The following SCML2 variants were observed in gnomAD, a reference collection of about 807,000 sequenced individuals.
SCML2 encodes the protein Scm polycomb group protein like 2.
SCML2 carries 6 observed loss-of-function variants against 48.4 expected under a neutral mutation model. That is an observed-to-expected ratio of 0.12 (90% CI 0.07 to 0.24). SCML2 has a LOEUF of 0.24. SCML2 is among the 10% of genes least tolerant of loss of function. SCML2 has a pLI of 1.00. For synonymous variants in SCML2, 181 were observed against 189.5 expected (o/e 0.95, Z 0.37); for missense variants, 377 against 528.2 (o/e 0.71, Z 2.81).
chrX:18,300,493 T>C (rs1459592868), intron 7 of SCML2, among the ~76,000 whole-genome samples: 2 of 97,517 alleles, frequency 2.1e-5, no homozygotes, highest in Admixed American at 1.1e-4. Flanking sequence ...ACGTTAAGGT[T>C]AAAAAAAAAA....
At chrX:18,248,680 T>C (rs981236112) in intron 11 of SCML2, among the ~76,000 whole-genome samples, 5 of 112,135 alleles carry the variant, frequency 4.5e-5, no homozygotes, top group African/African-American at 9.7e-5. Flanking sequence ...CACTTTAGTT[T>C]CATTTTTAAT....
At chrX:18,280,534 G>A (rs180830009) in intron 7 of SCML2, among the ~76,000 whole-genome samples, 1 of 111,426 alleles carries the variant, frequency 9.0e-6, no homozygotes, top group Non-Finnish European at 1.9e-5. Flanking sequence ...GAATGTAAAT[G>A]GGCTAAACAC....
chrX:18,250,366 C>T (rs1275098421), intron 11 of SCML2, among the ~76,000 whole-genome samples: 1 of 110,472 alleles, frequency 9.1e-6, no homozygotes, highest in Non-Finnish European at 1.9e-5. Context: ...GCACATGCCA[C>T]CACGCCTGGC....
At chrX:18,319,325 A>G (rs757293277) in intron 6 of SCML2, among the ~76,000 whole-genome samples, 1 of 110,729 alleles carries the variant, frequency 9.0e-6, no homozygotes, top group Admixed American at 9.6e-5. Flanking sequence ...CGGGAAGCCG[A>G]GATCACACCA....
intron 7 of SCML2, among the ~76,000 whole-genome samples, chrX:18,281,849 C>T (rs192226470): frequency 3.8e-3 from 420 of 110,928 alleles, no homozygotes; most frequent in African/African-American, 0.013. Context: ...ATAGGCTGGG[C>T]GCTGTGGCTC....
intron 7 of SCML2, among the ~76,000 whole-genome samples, chrX:18,288,188 TAAA>T (rs962442929): frequency 9.1e-6 from 1 of 109,855 alleles, no homozygotes; most frequent in Non-Finnish European, 1.9e-5. Context: ...ATGCTACTGT[TAAA>T]AAAAAATCTT....
intron 6 of SCML2, among the ~76,000 whole-genome samples, chrX:18,317,505 TG>T (rs1056090118): frequency 2.7e-5 from 3 of 111,594 alleles, no homozygotes; most frequent in Non-Finnish European, 5.6e-5. Context: ...TTCCAACTGA[TG>T]TTTAAGAAAA....
intron 11 of SCML2, among the ~76,000 whole-genome samples, chrX:18,253,100 A>T (rs188467753): frequency 5.6e-4 from 63 of 112,109 alleles, no homozygotes; most frequent in African/African-American, 2.0e-3. Context: ...AAACCCCTGA[A>T]GAAGGGAAGT....
chrX:18,282,752 T>C (rs1005878084), intron 7 of SCML2, among the ~76,000 whole-genome samples: 2 of 111,331 alleles, frequency 1.8e-5, no homozygotes, highest in Admixed American at 9.6e-5. Context: ...AAGAAAGAGA[T>C]TGAAACCCTG....
chrX:18,297,825 CA>C (rs1030627106), intron 7 of SCML2, among the ~76,000 whole-genome samples: 1 of 110,266 alleles, frequency 9.1e-6, no homozygotes, highest in Non-Finnish European at 1.9e-5. Flanking sequence ...AAAAAAAACA[CA>C]AAAAACAAAA....
At position 18,324,835 on chromosome X, in the gene SCML2, T is replaced by TAACAATCAC. The variant is rs956474059; in HGVS notation, c.162+63_162+71dup. The TAACAATCAC allele has an allele frequency of 1.0e-5, 8 of 789,659 alleles. No homozygotes were observed. The African/African-American group carries it at 1.6e-4, about 16-fold the overall frequency. The allele number at this position is 789,659 out of a possible 1,213,427, so 65.1% of individuals were successfully genotyped here. On this transcript the variant is annotated intron_variant, in intron 4 of 14. Transcript: ENST00000251900. ...ACTATCTCCTCACACTACCAGAATC[T>TAACAATCAC]AACAATCACACAGACGTCCTCCAAC...
chrX:18,309,052 T>C (rs1244285992), intron 6 of SCML2, among the ~76,000 whole-genome samples: 1 of 109,762 alleles, frequency 9.1e-6, no homozygotes, highest in Non-Finnish European at 1.9e-5. Context: ...CTACGAATAA[T>C]ACAAAAAATT....
At position 18,325,008 on chromosome X, in the gene SCML2, T is replaced by C. The variant is rs778992394; in HGVS notation, c.92-31A>G. ...AAAAACACATGTGCAAAATAGTTTC[T>C]TAAAGCATATACAATGTAACTTTTA... On this transcript the variant is annotated intron_variant, in intron 3 of 14. Coordinates refer to ENST00000251900, the MANE Select transcript of SCML2 (RefSeq NM_006089.3). The C allele has an allele frequency of 2.1e-4, 214 of 1,038,802 alleles. 1 individual carries two copies. The South Asian group carries it at 4.2e-3, about 20-fold the overall frequency. The allele number at this position is 1,038,802 out of a possible 1,213,427, so 85.6% of individuals were successfully genotyped here.
chrX:18,338,128 C>G (rs1213132931), intron 1 of SCML2, among the ~76,000 whole-genome samples: 1 of 111,800 alleles, frequency 8.9e-6, no homozygotes, highest in African/African-American at 3.2e-5. Flanking sequence ...AGGAAATTTA[C>G]AACATTGAAT....
At chrX:18,343,542 C>T (rs768250455) in intron 1 of SCML2, among the ~76,000 whole-genome samples, 1 of 109,866 alleles carries the variant, frequency 9.1e-6, no homozygotes, top group Admixed American at 9.8e-5. Context: ...AGGTGGATCA[C>T]GAGGTCAGGA....
In SCML2 at chrX:18,278,095, C is replaced by A. The variant is rs890518086; in HGVS notation, c.731-12293G>T. ...ATCACTTGAGCCTGGAAGGCAGAGA[C>A]TGCAGTGAGCTGAGATCATGCCACT... On this transcript the variant is annotated intron_variant, in intron 7 of 14. Transcript: ENST00000251900. Among the ~76,000 whole-genome samples, 7 of 112,219 alleles carry A rather than the reference C, an allele frequency of 6.2e-5. No homozygotes were observed. The East Asian group carries it at 2.0e-3, about 31-fold the overall frequency.
chrX:18,322,802 G>A (rs1042134647), intron 5 of SCML2, among the ~76,000 whole-genome samples: 1 of 110,577 alleles, frequency 9.0e-6, no homozygotes, highest in Non-Finnish European at 1.9e-5. Context: ...GCTGAGGCAG[G>A]AGAATCGCTT....
Position 18,324,903 on chromosome X carries a change from A to G in SCML2, c.162+4T>C. On this transcript the variant is annotated splice_donor_region_variant and intron_variant, in intron 4 of 14. Coordinates refer to ENST00000251900, the MANE Select transcript of SCML2 (RefSeq NM_006089.3). ...TAACTAACAGCTACAGAATCTTGGC[A>G]TACCTGACGGAAGCACTCTGAAGGA... 1 of 1,178,123 alleles carries G rather than the reference A, an allele frequency of 8.5e-7. No individual in the cohort carries two copies. The highest frequency in any genetic ancestry group is 1.2e-6 in the Non-Finnish European group (1 of 866,200).
chrX:18,290,114 C>A (rs1021470487), intron 7 of SCML2, among the ~76,000 whole-genome samples: 1 of 111,503 alleles, frequency 9.0e-6, no homozygotes, highest in Admixed American at 9.5e-5. Flanking sequence ...ATAAAATAAA[C>A]CAGCATTCAA....
Sources: allele counts gnomAD v4.1 joint callset (sites outside exome capture counted in the v4.1 genomes callset), GRCh38; gene constraint gnomAD v4.1.1; transcripts MANE v1.5; gene names NCBI Gene and HGNC (gene_info 2026-07-23, HGNC 2026-07-21).